The following AGMO variants were observed in gnomAD, a reference collection of about 807,000 sequenced individuals.
The protein encoded by AGMO is alkylglycerol monooxygenase, also known as glyceryl-ether monooxygenase.
Under a neutral mutation model 60.2 loss-of-function variants are expected in AGMO, and 75 were observed. The ratio of observed to expected loss-of-function variants is 1.25; its 90% CI spans 1.03 to 1.51. The LOEUF (loss-of-function observed/expected upper bound fraction) is 1.51. Among genes scored for constraint, AGMO ranks in the 40% most tolerant of loss-of-function variants. The probability of loss-of-function intolerance (pLI) is 0.00; values close to 1 mark genes in which losing one functional copy is unlikely to be tolerated. For synonymous variants in AGMO, 261 were observed against 177.1 expected, an observed-to-expected ratio of 1.47 and a Z score of -3.76; for missense variants, 763 against 525.5, an observed-to-expected ratio of 1.45 and a Z score of -4.42.
chr7:15,323,506 T>C (rs1165500355), intron 12 of AGMO, among the ~76,000 whole-genome samples: 1 of 152,150 alleles, frequency 6.6e-6, no homozygotes, highest in Non-Finnish European at 1.5e-5. Flanking sequence ...ATTGTCAACA[T>C]TATACTTTTC....
At chr7:15,511,557 A>C (rs544992317) in intron 3 of AGMO, among the ~76,000 whole-genome samples, 1 of 152,046 alleles carries the variant, frequency 6.6e-6, no homozygotes, top group African/African-American at 2.4e-5. Context: ...AGTTCAGGAG[A>C]CCTAATGTAC....
At chr7:15,182,961 G>A in the AGMO span, among the ~76,000 whole-genome samples, 132 of 151,876 alleles carry the variant, frequency 8.7e-4, 4 homozygotes, top group South Asian at 0.023. Flanking sequence ...TTAAACAACC[G>A]TATCTCATGA....
At chr7:15,495,917 A>T (rs985008137) in intron 3 of AGMO, among the ~76,000 whole-genome samples, 2 of 151,040 alleles carry the variant, frequency 1.3e-5, no homozygotes, top group Non-Finnish European at 2.9e-5. Flanking sequence ...TCTTCTTCTT[A>T]TAAGGGCACA....
chr7:15,181,946 A>C, the AGMO span, among the ~76,000 whole-genome samples: 8 of 152,178 alleles, frequency 5.3e-5, no homozygotes, highest in Admixed American at 3.3e-4. Flanking sequence ...ACAATAGCCA[A>C]AATGTGGAAG....
intron 3 of AGMO, among the ~76,000 whole-genome samples, chr7:15,540,911 A>G (rs1272229347): frequency 1.3e-5 from 2 of 152,208 alleles, no homozygotes. Context: ...TTACAAATAT[A>G]CGCACTCATG....
intron 6 of AGMO, among the ~76,000 whole-genome samples, chr7:15,391,265 C>T (rs184590594): frequency 9.9e-4 from 151 of 151,786 alleles, no homozygotes; most frequent in African/African-American, 3.2e-3. Flanking sequence ...AATCAGAAAA[C>T]GATGTATATA....
chr7:15,328,794 T>C (rs768557729), intron 12 of AGMO, among the ~76,000 whole-genome samples: 24 of 152,112 alleles, frequency 1.6e-4, no homozygotes, highest in Non-Finnish European at 2.8e-4. Context: ...CAAGTCTCTC[T>C]AGATTTTTAT....
In AGMO at chr7:15,390,674, C is replaced by A. The variant is rs1285958765; in HGVS notation, c.819G>T (p.Val273=). 1 of 1,588,814 alleles carries A rather than the reference C, an allele frequency of 6.3e-7. No homozygotes were observed. The highest frequency in any genetic ancestry group is 1.3e-5 in the African/African-American group (1 of 74,210). Residue 273 remains valine, a synonymous_variant, in exon 8 of 13, where the codon GTG becomes GTT. Transcript: ENST00000342526. ...HPINTFEPIK[V]QFHHLFSIWT... is the part of the protein sequence containing the mutation. ...GAATAAAAAACAAGTATGTTACCTG[C>A]ACTTTGATTGGTTCAAATGTATTAA...
chr7:15,497,550 C>A (rs978439420), intron 3 of AGMO, among the ~76,000 whole-genome samples: 1 of 151,964 alleles, frequency 6.6e-6, no homozygotes, highest in African/African-American at 2.4e-5. Context: ...TAACAGCAAC[C>A]CCTCAGAAGA....
At chr7:15,370,875 C>T (rs1237014196) in intron 10 of AGMO, among the ~76,000 whole-genome samples, 1 of 152,088 alleles carries the variant, frequency 6.6e-6, no homozygotes. Context: ...TTTTGCTGTG[C>T]AGAAGCTCTT....
intron 12 of AGMO, among the ~76,000 whole-genome samples, chr7:15,219,391 T>A (rs1781846678): frequency 6.6e-6 from 1 of 152,096 alleles, no homozygotes; most frequent in Non-Finnish European, 1.5e-5. Context: ...TAACTAATAT[T>A]TAAAGTGAGA....
chr7:15,350,117 CTG>C (rs1430646112), intron 12 of AGMO, among the ~76,000 whole-genome samples: 3 of 152,108 alleles, frequency 2.0e-5, no homozygotes, highest in Non-Finnish European at 2.9e-5. Flanking sequence ...TTCATAATAA[CTG>C]TGTTTCTGGA....
the AGMO span, among the ~76,000 whole-genome samples, chr7:15,150,164 A>G: frequency 2.4e-3 from 361 of 152,134 alleles, no homozygotes; most frequent in African/African-American, 7.2e-3. Flanking sequence ...TTGTACCCTG[A>G]AGCTTTACTG....
chr7:15,502,219 T>C (rs749713938), intron 3 of AGMO, among the ~76,000 whole-genome samples: 1 of 152,072 alleles, frequency 6.6e-6, no homozygotes, highest in African/African-American at 2.4e-5. Context: ...ATTTCTCTGA[T>C]TCTTTTGCAC....
At chr7:15,173,833 T>C in the AGMO span, among the ~76,000 whole-genome samples, 54 of 151,822 alleles carry the variant, frequency 3.6e-4, no homozygotes, top group African/African-American at 1.0e-3. Flanking sequence ...CTTTTTTTTT[T>C]CTATTGTTTC....
At chr7:15,191,067 G>A in the AGMO span, among the ~76,000 whole-genome samples, 97,683 of 151,982 alleles carry the variant, frequency 0.64, 32,312 homozygotes, top group African/African-American at 0.82. Flanking sequence ...TATGTGTGCT[G>A]ACAATTAAGG....
rs1782995933 is a variant in AGMO, at chr7:15,488,986, G to A, written c.409+55786C>T. Among the ~76,000 whole-genome samples, 3 of 152,258 alleles carry A rather than the reference G, an allele frequency of 2.0e-5. No homozygotes were observed. In the South Asian group the frequency reaches 6.2e-4, roughly 32 times the overall value. Reference sequence around the variant, plus strand: ...CTGAATGACTTGGAAAAGTTACGATGTGACATATCAGTTTATCCTTACTTT... The same window carrying A: ...CTGAATGACTTGGAAAAGTTACGATATGACATATCAGTTTATCCTTACTTT... On this transcript the variant is annotated intron_variant, in intron 3 of 12. Coordinates refer to ENST00000342526, the MANE Select transcript of AGMO (RefSeq NM_001004320.2).
At chr7:15,317,815 G>T (rs1267766454) in intron 12 of AGMO, among the ~76,000 whole-genome samples, 1 of 150,474 alleles carries the variant, frequency 6.6e-6, no homozygotes, top group Non-Finnish European at 1.5e-5. Context: ...TCCACTAGAA[G>T]AGATATTGAA....
the AGMO span, among the ~76,000 whole-genome samples, chr7:15,145,071 G>A: frequency 6.6e-6 from 1 of 152,084 alleles, no homozygotes; most frequent in South Asian, 2.1e-4. Context: ...CTTGTGATCC[G>A]CCCGCCTCGG....
Sources: gnomAD v4.1 joint callset for allele counts (sites outside exome capture counted in the v4.1 genomes callset) on GRCh38, gnomAD v4.1.1 for gene constraint, MANE v1.5 for transcripts, NCBI Gene and HGNC (gene_info 2026-07-23, HGNC 2026-07-21) for gene names.